DSCAM: variants seen among roughly 807,000 people sequenced by gnomAD.
DSCAM encodes the protein cell adhesion molecule DSCAM.
Under a neutral mutation model 217.7 loss-of-function variants are expected in DSCAM, and 47 were observed. The observed-to-expected ratio is 0.22, with a 90% CI of 0.17 to 0.28. The LOEUF (loss-of-function observed/expected upper bound fraction) is 0.28, where lower values mean the gene tolerates loss of function less well. DSCAM is among the 10% of genes least tolerant of loss of function. The pLI is 1.00. For synonymous variants in DSCAM, 1,056 were observed against 1,015.3 expected, an observed-to-expected ratio of 1.04 and a Z score of -0.76; for missense variants, 2,080 against 2,618.3, an observed-to-expected ratio of 0.79 and a Z score of 4.49.
chr21:40,821,082 A>G lies in DSCAM; in HGVS notation c.43+25537T>C, dbSNP rs938106570. Among the ~76,000 whole-genome samples the G allele has an allele frequency of 8.1e-5, 12 of 147,500 alleles. No homozygotes were observed. In the South Asian group the frequency reaches 1.1e-3, roughly 13 times the overall value. On this transcript the variant is annotated intron_variant, in intron 1 of 32. Transcript: ENST00000400454. ...TATATATCTTCACATATAGATCTTC[A>G]CATATATAGAGAGATATATATATCT...
chr21:40,777,723 C>CA (rs1390167449), intron 1 of DSCAM, among the ~76,000 whole-genome samples: 11 of 151,968 alleles, frequency 7.2e-5, no homozygotes, highest in African/African-American at 2.7e-4. Flanking sequence ...AAAAGAAAAT[C>CA]ATTAAAAAGA....
At chr21:40,296,341 A>T (rs180765277) in intron 9 of DSCAM, among the ~76,000 whole-genome samples, 167 bp from the exon 10 acceptor site, 42 of 152,352 alleles carry the variant, frequency 2.8e-4, no homozygotes, top group Non-Finnish European at 4.7e-4. Flanking sequence ...TTAAGGGAGT[A>T]ATTTCAGTGC....
chr21:40,836,300 T>C (rs1401020784), intron 1 of DSCAM, among the ~76,000 whole-genome samples: 1 of 152,126 alleles, frequency 6.6e-6, no homozygotes, highest in Non-Finnish European at 1.5e-5. Flanking sequence ...ATCAAGACCA[T>C]AAGCAAAGCA....
rs559346151 is a variant in DSCAM, at chr21:40,347,971, A to G, written c.935-26T>C. On this transcript the variant is annotated intron_variant, in intron 5 of 32. Coordinates refer to ENST00000400454, the MANE Select transcript of DSCAM (RefSeq NM_001389.5). ...CTGGAGGTTTTAGTAAGAGAGAGAG[A>G]AAAAAGATAAAAACATCACTAGATA... is the stretch of plus-strand genomic sequence containing the variant. The G allele has an allele frequency of 9.4e-6, 15 of 1,593,974 alleles. No individual in the cohort carries two copies. The African/African-American group carries it at 1.9e-4, about 20-fold the overall frequency.
intron 1 of DSCAM, among the ~76,000 whole-genome samples, chr21:40,826,263 G>A (rs1173783302): frequency 6.6e-6 from 1 of 152,190 alleles, no homozygotes; most frequent in Non-Finnish European, 1.5e-5. Flanking sequence ...AAAGGCCAGG[G>A]TAGAGCATTC....
At chr21:40,156,319 G>GAA (rs1427634554) in intron 16 of DSCAM, among the ~76,000 whole-genome samples, 1 of 149,446 alleles carries the variant, frequency 6.7e-6, no homozygotes, top group Non-Finnish European at 1.5e-5. Flanking sequence ...GAGAGAGAGA[G>GAA]AGAGAGAGAG....
chr21:40,350,559 T>TA, intron 5 of DSCAM, among the ~76,000 whole-genome samples: 1 of 152,142 alleles, frequency 6.6e-6, no homozygotes, highest in Non-Finnish European at 1.5e-5. Context: ...GTCTTCTAGG[T>TA]TGATAAGACA....
intron 3 of DSCAM, among the ~76,000 whole-genome samples, chr21:40,380,376 C>T (rs899317686): frequency 3.3e-5 from 5 of 152,134 alleles, no homozygotes; most frequent in South Asian, 2.1e-4. Context: ...CAAAGAAGCT[C>T]GTAAAACTTA....
intron 15 of DSCAM, among the ~76,000 whole-genome samples, chr21:40,176,395 G>A (rs373814372): frequency 1.0e-3 from 153 of 151,966 alleles, no homozygotes; most frequent in Non-Finnish European, 1.9e-3. Flanking sequence ...GACAGCTTCC[G>A]GAGGCTCCCA....
intron 3 of DSCAM, among the ~76,000 whole-genome samples, chr21:40,689,045 T>C (rs904972092): frequency 7.2e-5 from 11 of 152,056 alleles, no homozygotes; most frequent in African/African-American, 2.7e-4. Flanking sequence ...ACCATGACAA[T>C]ATGCACAACA....
At chr21:40,237,923 T>C (rs1164885620) in intron 11 of DSCAM, among the ~76,000 whole-genome samples, 1 of 152,220 alleles carries the variant, frequency 6.6e-6, no homozygotes, top group African/African-American at 2.4e-5. Context: ...CTCAAGATCT[T>C]TCCCTTAATC....
chr21:40,089,100 C>G (rs372886826), intron 21 of DSCAM, among the ~76,000 whole-genome samples: 4 of 145,878 alleles, frequency 2.7e-5, no homozygotes, highest in African/African-American at 9.8e-5. Flanking sequence ...TTTCCATTAG[C>G]AATTTAAAAA....
intron 1 of DSCAM, among the ~76,000 whole-genome samples, chr21:40,746,896 A>C (rs1329380826): frequency 6.6e-6 from 1 of 151,956 alleles, no homozygotes; most frequent in East Asian, 1.9e-4. Context: ...AAAACTAAAA[A>C]TCAATAACAG....
intron 1 of DSCAM, among the ~76,000 whole-genome samples, chr21:40,806,052 T>A (rs527260561): frequency 1.3e-5 from 2 of 152,276 alleles, no homozygotes; most frequent in African/African-American, 4.8e-5. Flanking sequence ...TGTTTCCTGC[T>A]GGGGATTTAC....
intron 1 of DSCAM, among the ~76,000 whole-genome samples, chr21:40,761,623 T>C (rs1331754334): frequency 6.6e-6 from 1 of 152,182 alleles, no homozygotes; most frequent in Non-Finnish European, 1.5e-5. Flanking sequence ...CAAACTTCTC[T>C]TGTTCAAGCC....
At chr21:40,342,909 G>C (rs1281339135) in intron 6 of DSCAM, among the ~76,000 whole-genome samples, 1 of 150,948 alleles carries the variant, frequency 6.6e-6, no homozygotes, top group Non-Finnish European at 1.5e-5. Context: ...GTTTTAGAGA[G>C]AATTGTTAAC....
intron 9 of DSCAM, among the ~76,000 whole-genome samples, chr21:40,302,901 T>C (rs1206190700): frequency 6.6e-6 from 1 of 152,138 alleles, no homozygotes; most frequent in Non-Finnish European, 1.5e-5. Flanking sequence ...TTTAAAGAAA[T>C]AATACTATGG....
chr21:40,687,443 A>C (rs2090491683), intron 3 of DSCAM, among the ~76,000 whole-genome samples: 4 of 152,174 alleles, frequency 2.6e-5, no homozygotes. Flanking sequence ...CAATAAAATC[A>C]CAATAGAAGT....
chr21:40,824,403 A>ATTTTTTTTTTTTTTTTTTTTTTTTTTT (rs536114434), intron 1 of DSCAM, among the ~76,000 whole-genome samples: 2 of 121,030 alleles, frequency 1.7e-5, no homozygotes, highest in African/African-American at 3.5e-5. Flanking sequence ...TTTATTATTG[A>ATTTTTTTTTTTTTTTTTTTTTTTTTTT]TTTTTTTTTT....
Sources: allele counts gnomAD v4.1 joint callset (sites outside exome capture counted in the v4.1 genomes callset), GRCh38; gene constraint gnomAD v4.1.1; transcripts MANE v1.5; gene names NCBI Gene and HGNC (gene_info 2026-07-23, HGNC 2026-07-21).